CCP110: variants seen among roughly 807,000 people sequenced by gnomAD.
The protein encoded by CCP110 is centriolar coiled-coil protein of 110 kDa.
In CCP110, 43 loss-of-function variants were observed where a neutral mutation model predicts 105.5. The ratio of observed to expected loss-of-function variants is 0.41; its 90% CI spans 0.32 to 0.53. The LOEUF is 0.53. Among genes scored for constraint, CCP110 ranks in the 20% least tolerant of loss-of-function variants. The probability of loss-of-function intolerance (pLI) is 0.32; values close to 1 mark genes in which losing one functional copy is unlikely to be tolerated. For missense variants in CCP110, 1,016 were observed against 1,189.1 expected, an observed-to-expected ratio of 0.85 and a Z score of 2.14; for synonymous variants, 353 against 392.1, an observed-to-expected ratio of 0.90 and a Z score of 1.18.
At chr16:19,526,513 C>G (rs1361133175) in intron 1 of CCP110, 2 of 152,198 alleles carry the variant, frequency 1.3e-5, no homozygotes, top group Non-Finnish European at 1.5e-5. Flanking sequence ...GTCTCACTCA[C>G]ACTGTAGAGA....
At position 19,548,373 on chromosome 16, in the gene CCP110, T is replaced by C. The variant is rs1970529156; in HGVS notation, c.2901-142T>C. The C allele has an allele frequency of 1.6e-6, 1 of 609,586 alleles. No individual in the cohort carries two copies. Among genetic ancestry groups the C allele is most frequent in the Admixed American group, 3.3e-5 (1 of 30,686 alleles). 37.8% of individuals were successfully genotyped at this position (609,586 alleles called of 1,614,324 possible). On this transcript the variant is annotated intron_variant, in intron 13 of 14. Coordinates refer to ENST00000381396, the Ensembl canonical transcript of CCP110. This position sits in a 1 kb window ranked among gnomAD's most constrained non-coding sequence, Gnocchi z 4.1. ...GCTGAAGCCAGAGTTTAGCTTTCCT[T>C]ACTGTGCGCATGCATGAGACTTCAG...
At position 19,548,054 on chromosome 16, in the gene CCP110, C is replaced by G. The variant is rs555204283; in HGVS notation, c.2900+40C>G. ...CACGGGTATTGAAAACTACGGAAAC[C>G]AAGATTAGATTTGAGAGGGAAAAAT... is the stretch of plus-strand genomic sequence containing the variant. On this transcript the variant is annotated intron_variant, in intron 13 of 14. Transcript: ENST00000381396. This position sits in a 1 kb window ranked among gnomAD's most constrained non-coding sequence, Gnocchi z 4.1. 30 of 1,348,864 alleles carry G rather than the reference C, an allele frequency of 2.2e-5. No homozygotes were observed. Among genetic ancestry groups the G allele is most frequent in the Non-Finnish European group, 3.1e-5 (29 of 942,040 alleles). The allele number at this position is 1,348,864 out of a possible 1,614,324, so 83.6% of individuals were successfully genotyped here.
intron 2 of CCP110, among the ~76,000 whole-genome samples, chr16:19,528,591 A>G (rs758303483): frequency 2.6e-5 from 4 of 152,166 alleles, no homozygotes; most frequent in Non-Finnish European, 5.9e-5. Flanking sequence ...GTATAGAGTC[A>G]TGATTAGAGG....
chr16:19,543,546 C>T (rs1169333208), intron 8 of CCP110, among the ~76,000 whole-genome samples: 2 of 152,142 alleles, frequency 1.3e-5, no homozygotes, highest in East Asian at 3.9e-4. Context: ...GGAAGACAAC[C>T]ATAACTGACT....
chr16:19,540,101 A>T (rs1970225366), intron 4 of CCP110, among the ~76,000 whole-genome samples: 1 of 152,124 alleles, frequency 6.6e-6, no homozygotes, highest in Non-Finnish European at 1.5e-5. Context: ...GTATTTGTAC[A>T]TTTCAACATG....
chr16:19,527,060 C>G (rs1969698050), intron 1 of CCP110: 1 of 152,048 alleles, frequency 6.6e-6, no homozygotes, highest in Admixed American at 6.5e-5. Flanking sequence ...TCCTGGTTAC[C>G]TTGTATTTTC....
At chr16:19,551,664 A>G (rs1970645520) in exon 15 of CCP110, 1 of 155,970 alleles carries the variant, frequency 6.4e-6, no homozygotes, top group Non-Finnish European at 1.4e-5. Flanking sequence ...TTTGAATTTG[A>G]TTCAAAGGGA....
intron 5 of CCP110, among the ~76,000 whole-genome samples, chr16:19,541,649 GGA>G (rs142905705): frequency 0.083 from 10,611 of 128,572 alleles, 709 homozygotes; most frequent in African/African-American, 0.17. Context: ...GAGAGAGAGA[GGA>G]GAGAGAGAGA....
intron 1 of CCP110, chr16:19,525,112 C>G (rs908950134): frequency 3.9e-5 from 6 of 152,072 alleles, no homozygotes; most frequent in African/African-American, 1.4e-4. Flanking sequence ...AAGAAGTTTG[C>G]GTCTTTGGCG....
exon 4 of CCP110, chr16:19,537,535 T>C (rs1283994734): frequency 8.2e-6 from 13 of 1,594,302 alleles, no homozygotes; most frequent in Non-Finnish European, 1.1e-5. Context: ...AAAGATACCC[T>C]AAGGGATCTG....
exon 15 of CCP110, chr16:19,551,638 T>G (rs748285453): frequency 4.3e-5 from 7 of 164,398 alleles, no homozygotes; most frequent in African/African-American, 7.2e-5. Flanking sequence ...ATTTAATTCA[T>G]CTCTGCATAG....
chr16:19,542,418 C>T (rs920989160), intron 6 of CCP110, among the ~76,000 whole-genome samples: 2 of 152,154 alleles, frequency 1.3e-5, no homozygotes, highest in Non-Finnish European at 2.9e-5. Flanking sequence ...ATCTTCATAT[C>T]TCAATTATCC....
chr16:19,552,665 T>A (rs1203622710), exon 15 of CCP110: 1 of 152,182 alleles, frequency 6.6e-6, no homozygotes, highest in Non-Finnish European at 1.5e-5. Context: ...TGAGACAGTG[T>A]ATATTTAATC....
chr16:19,531,258 A>G (rs1190657441), intron 2 of CCP110, among the ~76,000 whole-genome samples: 2 of 152,176 alleles, frequency 1.3e-5, no homozygotes, highest in South Asian at 2.1e-4. Context: ...TTATTTATTT[A>G]TAAGCAAAAT....
At chr16:19,551,364 A>T (rs1970636093) in exon 15 of CCP110, 1 of 859,500 alleles carries the variant, frequency 1.2e-6, no homozygotes, top group Non-Finnish European at 2.0e-6. Context: ...TGACATCAGA[A>T]GGCTGAGCAC....
chr16:19,551,248 A>C, exon 15 of CCP110: 1 of 1,610,748 alleles, frequency 6.2e-7, no homozygotes, highest in Non-Finnish European at 8.5e-7. Context: ...CGACAATTTA[A>C]GAAGACAACA....
intron 3 of CCP110, among the ~76,000 whole-genome samples, chr16:19,534,229 T>C (rs1389615301): frequency 6.6e-6 from 1 of 152,200 alleles, no homozygotes; most frequent in Non-Finnish European, 1.5e-5. Flanking sequence ...GAGGTAGGTT[T>C]TTTACTTACT....
chr16:19,551,422 A>G (rs1286684991), exon 15 of CCP110: 37 of 656,150 alleles, frequency 5.6e-5, no homozygotes, highest in Admixed American at 5.3e-5. Context: ...CCACACCCCT[A>G]TTTTCCTCTT....
Position 19,528,041 on chromosome 16 carries a change from T to G in CCP110, c.141+19T>G, listed in dbSNP as rs202139667. 55 of 1,594,444 alleles carry G rather than the reference T, an allele frequency of 3.4e-5. No homozygotes were observed. The highest frequency in any genetic ancestry group is 4.5e-5 in the Non-Finnish European group (53 of 1,172,564). ...TCCACTGGTAAACTTGCTTTGTTTT[T>G]AAATAGTTTTTTTCTGTAGTGAACA... On this transcript the variant is annotated intron_variant, in intron 2 of 14. Coordinates refer to ENST00000381396, the Ensembl canonical transcript of CCP110.
Sources: gnomAD v4.1 joint callset for allele counts (sites outside exome capture counted in the v4.1 genomes callset) on GRCh38, gnomAD v4.1.1 for gene constraint, Gnocchi (gnomAD v3.1) non-coding constraint, MANE v1.5 for transcripts, NCBI Gene and HGNC (gene_info 2026-07-23, HGNC 2026-07-21) for gene names.